The following SENP5 variants were observed in gnomAD, a reference collection of about 807,000 sequenced individuals.
SENP5 encodes sentrin-specific protease 5.
A neutral mutation model predicts 74.2 loss-of-function variants in SENP5; 21 were observed. That is an observed-to-expected ratio of 0.28 (90% CI 0.20 to 0.41). The LOEUF (loss-of-function observed/expected upper bound fraction) is 0.41. SENP5 is among the 10% of genes least tolerant of loss of function. The pLI is 1.00. For synonymous variants in SENP5, 311 were observed against 312.7 expected, an observed-to-expected ratio of 0.99 and a Z score of 0.06; for missense variants, 717 against 889.1, an observed-to-expected ratio of 0.81 and a Z score of 2.46.
At chr3:196,893,426 A>G (rs1413886507) in intron 2 of SENP5, among the ~76,000 whole-genome samples, 1 of 152,186 alleles carries the variant, frequency 6.6e-6, no homozygotes, top group Non-Finnish European at 1.5e-5. Context: ...TTACCCAGAA[A>G]TTTAACTTGT....
chr3:196,925,711 C>T (rs1664372217), intron 7 of SENP5, among the ~76,000 whole-genome samples: 1 of 152,074 alleles, frequency 6.6e-6, no homozygotes, highest in African/African-American at 2.4e-5. Context: ...GGGTTTAAGT[C>T]GATTTTGAAT....
chr3:196,883,434 G>A (rs749506367), intron 1 of SENP5, among the ~76,000 whole-genome samples: 16 of 152,120 alleles, frequency 1.1e-4, no homozygotes, highest in Non-Finnish European at 1.9e-4. Flanking sequence ...GGAATTCACG[G>A]TGTAAACTCA....
At chr3:196,927,636 T>TAAA (rs10663759) in intron 7 of SENP5, among the ~76,000 whole-genome samples, 160 bp from the exon 8 acceptor site, 5 of 136,038 alleles carry the variant, frequency 3.7e-5, no homozygotes, top group Non-Finnish European at 4.7e-5. Flanking sequence ...ATCCTCTCTT[T>TAAA]AAAAAAAAAA....
At chr3:196,919,538 A>G (rs534693759) in intron 6 of SENP5, among the ~76,000 whole-genome samples, 4 of 152,286 alleles carry the variant, frequency 2.6e-5, no homozygotes, top group African/African-American at 9.6e-5. Context: ...TCACGCCTGT[A>G]ATCCCAGCAT....
At chr3:196,874,148 T>A (rs9822691) in intron 1 of SENP5, among the ~76,000 whole-genome samples, 6,383 of 136,604 alleles carry the variant, frequency 0.047, 369 homozygotes, top group African/African-American at 0.15. Context: ...CTTTTTTTTT[T>A]AAAAAAAAAA....
intron 6 of SENP5, among the ~76,000 whole-genome samples, chr3:196,914,840 A>C (rs1715306952): frequency 6.6e-6 from 1 of 151,932 alleles, no homozygotes; most frequent in South Asian, 2.1e-4. Context: ...GAGGCATCGA[A>C]GAGGGTAGGA....
chr3:196,883,776 C>T (rs867344225), intron 1 of SENP5, among the ~76,000 whole-genome samples: 2 of 152,114 alleles, frequency 1.3e-5, no homozygotes, highest in African/African-American at 4.8e-5. Flanking sequence ...GCAACCTCCA[C>T]CTCCCAGGTT....
intron 6 of SENP5, among the ~76,000 whole-genome samples, chr3:196,921,743 T>G (rs1321897507): frequency 6.6e-6 from 1 of 152,222 alleles, no homozygotes; most frequent in Non-Finnish European, 1.5e-5. Context: ...TTAAGTGATT[T>G]TGCTCCAAGG....
At chr3:196,929,718 T>C (rs1233678233) in intron 9 of SENP5, 35 bp downstream of exon 9, 4 of 1,465,404 alleles carry the variant, frequency 2.7e-6, no homozygotes, top group Non-Finnish European at 3.8e-6. Context: ...ACTTACAATG[T>C]GTGAATTGAG....
intron 6 of SENP5, among the ~76,000 whole-genome samples, chr3:196,907,235 G>T (rs910752617): frequency 7.9e-5 from 12 of 151,926 alleles, no homozygotes; most frequent in African/African-American, 2.9e-4. Flanking sequence ...GCACTTTGAG[G>T]GGCCGAGGCA....
At chr3:196,922,883 C>T (rs1401607586) in intron 6 of SENP5, among the ~76,000 whole-genome samples, 1 of 152,114 alleles carries the variant, frequency 6.6e-6, no homozygotes, top group Non-Finnish European at 1.5e-5. Context: ...TCTCAAAGTG[C>T]TGGGATTACA....
At chr3:196,874,254 A>G (rs1424037278) in intron 1 of SENP5, among the ~76,000 whole-genome samples, 1 of 100,692 alleles carries the variant, frequency 9.9e-6, no homozygotes, top group African/African-American at 4.0e-5. Context: ...TCCAGAAGTA[A>G]AGTGCTTCAT....
intron 1 of SENP5, among the ~76,000 whole-genome samples, chr3:196,880,530 A>G (rs1423923820): frequency 2.0e-5 from 3 of 151,974 alleles, no homozygotes; most frequent in Middle Eastern, 3.4e-3. Context: ...CCAGGATTAT[A>G]CCTTGTTTAA....
In SENP5 at chr3:196,911,878, A is replaced by T. The variant is rs151156177; in HGVS notation, c.1884+8268A>T. Among the ~76,000 whole-genome samples, 1,392 of 152,356 alleles carry T rather than the reference A, an allele frequency of 9.1e-3. 20 individuals carry two copies. The highest frequency in any genetic ancestry group is 0.032 in the African/African-American group (1,332 of 41,588). On this transcript the variant is annotated intron_variant, in intron 6 of 9. Transcript: ENST00000323460. ...AAATGCAAATCAAAACCACAATGAG[A>T]TACCATCTCATGCGAGTCAGAAATG...
In SENP5 at chr3:196,903,626, C is replaced by CT; in HGVS notation, c.1884+22dup. On this transcript the variant is annotated intron_variant, in intron 6 of 9. Coordinates refer to ENST00000323460, the MANE Select transcript of SENP5 (RefSeq NM_152699.5). Reference sequence around the variant, plus strand: ...GACTAAAAAGGTATTCTCTTTATTTCTTTTTTATTCCAAATTTGAAACGCA... The same window carrying CT: ...GACTAAAAAGGTATTCTCTTTATTTCTTTTTTTATTCCAAATTTGAAACGCA... The CT allele has an allele frequency of 6.6e-7, 1 of 1,508,800 alleles. No homozygotes were observed. The highest frequency in any genetic ancestry group is 2.3e-5 in the East Asian group (1 of 44,170). The allele number at this position is 1,508,800 out of a possible 1,614,324, so 93.5% of individuals were successfully genotyped here. A position where few individuals can be genotyped will look rare whatever the true frequency, so the allele number is the denominator to read the frequency against.
chr3:196,882,381 ACTCC>A (rs1488719725), intron 1 of SENP5, among the ~76,000 whole-genome samples: 3 of 150,394 alleles, frequency 2.0e-5, no homozygotes, highest in Non-Finnish European at 4.4e-5. Context: ...TTAAGCAATA[ACTCC>A]CTTTTCTCCC....
At chr3:196,888,732 T>C (rs1465847137) in intron 2 of SENP5, among the ~76,000 whole-genome samples, 1 of 152,192 alleles carries the variant, frequency 6.6e-6, no homozygotes, top group African/African-American at 2.4e-5. Flanking sequence ...ACAGATATTA[T>C]TACCATTGGC....
chr3:196,903,301 G>A (rs564471569), intron 5 of SENP5, among the ~76,000 whole-genome samples: 15 of 152,162 alleles, frequency 9.9e-5, no homozygotes, highest in South Asian at 4.1e-4. Context: ...CACCACGCCC[G>A]GCTAATTTTT....
At chr3:196,874,448 C>G (rs1334884885) in intron 1 of SENP5, among the ~76,000 whole-genome samples, 1 of 151,938 alleles carries the variant, frequency 6.6e-6, no homozygotes, top group Non-Finnish European at 1.5e-5. Context: ...TTATCTTGCT[C>G]GACTTCTCAA....
Sources: allele counts gnomAD v4.1 joint callset (sites outside exome capture counted in the v4.1 genomes callset), GRCh38; gene constraint gnomAD v4.1.1; transcripts MANE v1.5; gene names NCBI Gene and HGNC (gene_info 2026-07-23, HGNC 2026-07-21).